Variants in RNF152 observed in about 807,000 individuals in gnomAD.
RNF152 encodes E3 ubiquitin-protein ligase RNF152.
A neutral mutation model predicts 12.7 loss-of-function variants in RNF152; 11 were observed. That is an observed-to-expected ratio of 0.86 (90% CI 0.54 to 1.43). RNF152 has a LOEUF of 1.43. Among genes scored for constraint, RNF152 ranks in the 40% most tolerant of loss-of-function variants. The pLI is 0.00. For missense variants in RNF152, 255 were observed against 274.8 expected, an observed-to-expected ratio of 0.93 and a Z score of 0.51; for synonymous variants, 113 against 120.3, an observed-to-expected ratio of 0.94 and a Z score of 0.40.
chr18:61,879,187 A>T (rs1197567496), intron 1 of RNF152, among the ~76,000 whole-genome samples: 1 of 152,170 alleles, frequency 6.6e-6, no homozygotes, highest in Non-Finnish European at 1.5e-5. Flanking sequence ...TCCACTCCGA[A>T]TGTGCACAGA....
At position 61,870,521 on chromosome 18, in the gene RNF152, G is replaced by C. The variant is rs534718719; in HGVS notation, c.-136+22274C>G. On this transcript the variant is annotated intron_variant, in intron 1 of 1. Coordinates refer to ENST00000312828, the MANE Select transcript of RNF152 (RefSeq NM_173557.3). ...AAGGCTTCAAACCCCTGCCGACTCTGTGGTTCCAAAGCCTGCTATGCTGTT... is the reference window on the plus strand; with the variant it reads ...AAGGCTTCAAACCCCTGCCGACTCTCTGGTTCCAAAGCCTGCTATGCTGTT... 3.3e-5 allele frequency among the ~76,000 whole-genome samples: 5 copies of C among 152,290 alleles called. No homozygotes were observed. In the East Asian group the frequency reaches 9.6e-4, roughly 29 times the overall value.
chr18:61,816,013 C>A lies in RNF152; in HGVS notation c.451G>T (p.Val151Leu), dbSNP rs1416949669. ...CCCCGCCTGTCCTGCTCCTCCTCCA[C>A]CGCCTCCTGGGGAGCCCCACCTTGC... ...PLQGGAPQEA[V>L]EEEQDRRGVV... is the part of the protein sequence containing the mutation. The change falls in exon 2 of 2, where the codon GTG becomes TTG. Residue 151 changes from valine (V) to leucine (L), a missense_variant. Transcript: ENST00000312828. The A allele has an allele frequency of 1.9e-6, 3 of 1,614,242 alleles. No individual in the cohort carries two copies. Among genetic ancestry groups the A allele is most frequent in the Non-Finnish European group, 8.5e-7 (1 of 1,180,050 alleles).
rs963545572 is a variant in RNF152 at position 61,816,023 on chromosome 18, G to A, written c.441C>T (p.Pro147=). 1.2e-6 allele frequency: 2 copies of A among 1,614,050 alleles called. No homozygotes were observed. The highest frequency in any genetic ancestry group is 2.7e-5 in the African/African-American group (2 of 74,928). ...CCTGCTCCTCCTCCACCGCCTCCTG[G>A]GGAGCCCCACCTTGCAGAGGCTGCT... ...AEQQPLQGGA[P]QEAVEEEQDR... The change falls in exon 2 of 2, where the codon CCC becomes CCT. Residue 147 remains proline (P), a synonymous_variant. Coordinates refer to ENST00000312828, the MANE Select transcript of RNF152 (RefSeq NM_173557.3).
chr18:61,893,240 T>A (rs1034668686), upstream of RNF152: 1 of 152,194 alleles, frequency 6.6e-6, no homozygotes. Flanking sequence ...AAAGACACAC[T>A]GGCAAAATCT....
At position 61,812,301 on chromosome 18, in the gene RNF152, G is replaced by A. The variant is rs1908842353; in HGVS notation, c.*3551C>T. 6.6e-6 allele frequency: 1 copy of A among 152,162 alleles called. No homozygotes were observed. The highest frequency in any genetic ancestry group is 2.1e-4 in the South Asian group (1 of 4,830). 9.4% of individuals were successfully genotyped at this position (152,162 alleles called of 1,614,324 possible). On this transcript the variant is annotated 3_prime_UTR_variant, in exon 2 of 2. Transcript: ENST00000312828. ...GGTGGCTACCGTACCAGACGGCACA[G>A]GTTTTCGAGCATTTCCATCATCACA...
chr18:61,844,089 A>AGAAAGAAG (rs1555702308), intron 1 of RNF152, among the ~76,000 whole-genome samples: 1 of 96,330 alleles, frequency 1.0e-5, no homozygotes, highest in African/African-American at 3.4e-5. Flanking sequence ...AAAGAAAGAA[A>AGAAAGAAG]GAAAGAAAGA....
chr18:61,861,831 G>A (rs1026554332), intron 1 of RNF152, among the ~76,000 whole-genome samples: 3 of 152,102 alleles, frequency 2.0e-5, no homozygotes, highest in African/African-American at 7.2e-5. Context: ...GAAACTAATA[G>A]AGTGAGAACT....
chr18:61,811,817 C>T lies in RNF152; in HGVS notation c.*4035G>A, dbSNP rs146835962. Reference sequence around the variant, plus strand: ...CACAGTACAGATCATGCATAGCTTGCAAGTCAAACGTTTTACAGGTACTGT... The same window carrying T: ...CACAGTACAGATCATGCATAGCTTGTAAGTCAAACGTTTTACAGGTACTGT... On this transcript the variant is annotated 3_prime_UTR_variant, in exon 2 of 2. Transcript: ENST00000312828. The T allele has an allele frequency of 6.6e-6, 1 of 152,282 alleles. No individual in the cohort carries two copies. 9.4% of individuals were successfully genotyped at this position (152,282 alleles called of 1,614,324 possible). A position where few individuals can be genotyped will look rare whatever the true frequency, so the allele number is the denominator to read the frequency against.
At chr18:61,840,136 T>C (rs1910385764) in intron 1 of RNF152, among the ~76,000 whole-genome samples, 1 of 152,170 alleles carries the variant, frequency 6.6e-6, no homozygotes, top group Non-Finnish European at 1.5e-5. Context: ...ATTTGCTCTT[T>C]CCCTCATGTG....
intron 1 of RNF152, among the ~76,000 whole-genome samples, chr18:61,853,117 T>A (rs1911060118): frequency 6.6e-6 from 1 of 152,180 alleles, no homozygotes; most frequent in Non-Finnish European, 1.5e-5. Context: ...GCAAGTTTAT[T>A]AGTTTCCTAC....
chr18:61,844,155 AAGGAAGGG>A (rs144355330), intron 1 of RNF152, among the ~76,000 whole-genome samples: 42,915 of 137,588 alleles, frequency 0.31, 8,283 homozygotes, highest in Non-Finnish European at 0.42. Flanking sequence ...AGAGAAAAGG[AAGGAAGGG>A]AGGAAGGGAG....
rs1031496070 is a variant in RNF152, at chr18:61,844,134, G to T, written c.-135-27536C>A. 2.4e-4 allele frequency among the ~76,000 whole-genome samples: 31 copies of T among 131,112 alleles called. 1 individual carries two copies. The highest frequency in any genetic ancestry group is 1.8e-3 in the South Asian group (7 of 3,934). The allele number at this position is 131,112 out of a possible 152,430, so 86.0% of individuals were successfully genotyped here. On this transcript the variant is annotated intron_variant, in intron 1 of 1. Transcript: ENST00000312828. ...AGAAAGAAAGAAAGAAAGAAAGAAA[G>T]AAAGAAATTAAGAGAAAAGGAAGGA...
chr18:61,859,347 C>T (rs763940865), intron 1 of RNF152, among the ~76,000 whole-genome samples: 2 of 152,172 alleles, frequency 1.3e-5, no homozygotes, highest in East Asian at 1.9e-4. Flanking sequence ...TCAAACTTGA[C>T]GTGCTTCAGA....
At chr18:61,818,630 C>T (rs1350807983) in intron 1 of RNF152, among the ~76,000 whole-genome samples, 1 of 152,118 alleles carries the variant, frequency 6.6e-6, no homozygotes, top group Non-Finnish European at 1.5e-5. Flanking sequence ...CATAGCTATC[C>T]ACTAATTCAA....
chr18:61,816,661 T>C (rs1909112081), intron 1 of RNF152, 63 bp from the exon 2 acceptor site: 3 of 604,652 alleles, frequency 5.0e-6, no homozygotes, highest in South Asian at 2.5e-5. Context: ...TGTCAACATA[T>C]CTAATGGATT....
rs1463806998 is a variant in RNF152 at position 61,878,241 on chromosome 18, T to C, written c.-136+14554A>G. ...CATTTGGCAATGTCTGGAGACATCTTTGATTGAACTGGGACAACTGATACC... is the reference window on the plus strand; with the variant it reads ...CATTTGGCAATGTCTGGAGACATCTCTGATTGAACTGGGACAACTGATACC... On this transcript the variant is annotated intron_variant, in intron 1 of 1. Coordinates refer to ENST00000312828, the MANE Select transcript of RNF152 (RefSeq NM_173557.3). Among the ~76,000 whole-genome samples, 4 of 152,194 alleles carry C rather than the reference T, an allele frequency of 2.6e-5. No homozygotes were observed. The East Asian group carries it at 7.7e-4, about 29-fold the overall frequency.
upstream of RNF152, chr18:61,894,066 G>A (rs1241060218): frequency 1.3e-5 from 2 of 152,182 alleles, no homozygotes; most frequent in African/African-American, 4.8e-5. The surrounding 1 kb of genome is among the most constrained non-coding windows in gnomAD (Gnocchi z 4.9). Context: ...GGCCGCCGTA[G>A]GGGCGCAGAC....
At chr18:61,834,741 G>A (rs772043827) in intron 1 of RNF152, among the ~76,000 whole-genome samples, 15 of 152,276 alleles carry the variant, frequency 9.9e-5, no homozygotes, top group South Asian at 6.2e-4. Flanking sequence ...GAAATCATGA[G>A]TATAGTAAGA....
chr18:61,849,112 C>G (rs1910859666), intron 1 of RNF152, among the ~76,000 whole-genome samples: 1 of 152,176 alleles, frequency 6.6e-6, no homozygotes, highest in Non-Finnish European at 1.5e-5. Flanking sequence ...TACTATGACT[C>G]CCTGCCTCCT....
Sources: gnomAD v4.1 joint callset for allele counts (sites outside exome capture counted in the v4.1 genomes callset) on GRCh38, gnomAD v4.1.1 for gene constraint, Gnocchi (gnomAD v3.1) non-coding constraint, MANE v1.5 for transcripts, NCBI Gene and HGNC (gene_info 2026-07-23, HGNC 2026-07-21) for gene names.